The following DLGAP2 variants were observed in gnomAD, a reference collection of about 807,000 sequenced individuals.
DLGAP2 encodes DLG associated protein 2.
A neutral mutation model predicts 100.3 loss-of-function variants in DLGAP2; 26 were observed. The ratio of observed to expected loss-of-function variants is 0.26; its 90% confidence interval spans 0.19 to 0.36. The LOEUF (loss-of-function observed/expected upper bound fraction) is 0.36. Among genes scored for constraint, DLGAP2 ranks in the 10% least tolerant of loss-of-function variants. DLGAP2 has a pLI of 1.00. For synonymous variants in DLGAP2, 886 were observed against 630.1 expected (o/e 1.41, Z -6.08); for missense variants, 1,858 against 1,453.2 (o/e 1.28, Z -4.53).
At chr8:914,008 G>C (rs1408799830) in intron 2 of DLGAP2, among the ~76,000 whole-genome samples, 3 of 152,242 alleles carry the variant, frequency 2.0e-5, no homozygotes, top group Non-Finnish European at 4.4e-5. Context: ...GTTTTCAGGA[G>C]GCCAGGGAGT....
At chr8:864,211 G>A (rs950225378) in intron 1 of DLGAP2, among the ~76,000 whole-genome samples, 1 of 152,144 alleles carries the variant, frequency 6.6e-6, no homozygotes, top group African/African-American at 2.4e-5. Flanking sequence ...CAGGGATGCA[G>A]GAAATGAGTT....
intron 4 of DLGAP2, among the ~76,000 whole-genome samples, chr8:1,503,831 G>C (rs1213841081): frequency 6.6e-6 from 1 of 152,164 alleles, no homozygotes; most frequent in Admixed American, 6.5e-5. Context: ...GTGACGGTTG[G>C]CTGAGAGGAC....
chr8:1,577,432 G>C (rs1584947554), intron 6 of DLGAP2, among the ~76,000 whole-genome samples: 1 of 151,990 alleles, frequency 6.6e-6, no homozygotes, highest in African/African-American at 2.4e-5. Flanking sequence ...AGCTGGTGTA[G>C]TGGCACATGC....
At chr8:1,491,045 T>A (rs868219534) in intron 3 of DLGAP2, among the ~76,000 whole-genome samples, 6 of 15,688 alleles carry the variant, frequency 3.8e-4, no homozygotes, top group Admixed American at 9.1e-4. Context: ...TTTAAAAAAA[T>A]AAAATAAAAT....
intron 2 of DLGAP2, among the ~76,000 whole-genome samples, chr8:1,115,917 G>A (rs1312994550): frequency 2.0e-5 from 3 of 152,200 alleles, no homozygotes; most frequent in Non-Finnish European, 4.4e-5. Flanking sequence ...CTCAGTGATG[G>A]GACATAATGG....
chr8:834,400 C>T (rs1796836073), intron 1 of DLGAP2, among the ~76,000 whole-genome samples: 1 of 152,226 alleles, frequency 6.6e-6, no homozygotes, highest in Admixed American at 6.5e-5. Context: ...TCATAATAGG[C>T]TCTGAGCAAA....
At chr8:1,437,692 G>A (rs574454099) in intron 3 of DLGAP2, among the ~76,000 whole-genome samples, 17 of 151,624 alleles carry the variant, frequency 1.1e-4, no homozygotes, top group South Asian at 4.2e-4. Flanking sequence ...AAATATCACC[G>A]GCCGGTGGCT....
chr8:1,470,756 ACT>A lies in DLGAP2; in HGVS notation c.107-30608_107-30607del, dbSNP rs1798760280. Among the ~76,000 whole-genome samples the A allele has an allele frequency of 1.8e-4, 2 of 10,944 alleles. 1 individual carries two copies. Among genetic ancestry groups the A allele is most frequent in the East Asian group, 5.0e-3 (2 of 404 alleles). 7.2% of individuals were successfully genotyped at this position (10,944 alleles called of 152,430 possible). ...CTCCCCTTCCCCGACTCCTTCCCCG[ACT>A]CCTCCAGCCTTTCCCGACTCCCCCA... is the stretch of plus-strand genomic sequence containing the variant. On this transcript the variant is annotated intron_variant, in intron 3 of 14. Transcript: ENST00000637795.
At chr8:1,033,804 G>A (rs1275887010) in intron 2 of DLGAP2, among the ~76,000 whole-genome samples, 7 of 146,196 alleles carry the variant, frequency 4.8e-5, no homozygotes, top group East Asian at 2.1e-4. Flanking sequence ...CCGACCCCGC[G>A]TGTCACCGCG....
chr8:1,270,843 C>G (rs939866813), intron 3 of DLGAP2, among the ~76,000 whole-genome samples: 2 of 151,730 alleles, frequency 1.3e-5, no homozygotes, highest in African/African-American at 4.8e-5. Flanking sequence ...TGTGTGTCTA[C>G]AGAGTGAAAC....
intron 6 of DLGAP2, among the ~76,000 whole-genome samples, chr8:1,570,873 G>A (rs1802631821): frequency 6.9e-6 from 1 of 144,866 alleles, no homozygotes. Context: ...ATGAGATGGA[G>A]AAGAGAGAGG....
At chr8:903,421 G>C (rs1490134972) in intron 1 of DLGAP2, among the ~76,000 whole-genome samples, 1 of 152,124 alleles carries the variant, frequency 6.6e-6, no homozygotes, top group Non-Finnish European at 1.5e-5. Flanking sequence ...ACATGTGCAA[G>C]GCCGTGTCCA....
chr8:1,373,429 CG>C (rs1244651338), intron 3 of DLGAP2, among the ~76,000 whole-genome samples: 2 of 152,126 alleles, frequency 1.3e-5, no homozygotes, highest in Non-Finnish European at 2.9e-5. Flanking sequence ...CCGACAAGGA[CG>C]GGGGGCCGGA....
chr8:826,621 C>T (rs542051891), intron 1 of DLGAP2, among the ~76,000 whole-genome samples: 41 of 152,030 alleles, frequency 2.7e-4, no homozygotes, highest in African/African-American at 9.4e-4. Flanking sequence ...GCTGGGAGCC[C>T]TGCCTTCTGC....
rs557800941 is a variant in DLGAP2, at chr8:1,430,083, T to C, written c.107-71283T>C. On this transcript the variant is annotated intron_variant, in intron 3 of 14. Coordinates refer to ENST00000637795, the MANE Select transcript of DLGAP2 (RefSeq NM_001346810.2). ...TTTTTAGTGAGAATAATTATGTTAC[T>C]GTGTGGTAAAATAAACCACTGCCGC... Among the ~76,000 whole-genome samples, 49 of 141,942 alleles carry C rather than the reference T, an allele frequency of 3.5e-4. 1 individual carries two copies. The highest frequency in any genetic ancestry group is 1.2e-3 in the African/African-American group (46 of 38,922). 93.1% of individuals were successfully genotyped at this position (141,942 alleles called of 152,430 possible).
At chr8:1,000,097 ACT>A (rs1214948917) in intron 2 of DLGAP2, among the ~76,000 whole-genome samples, 3 of 126,498 alleles carry the variant, frequency 2.4e-5, no homozygotes, top group East Asian at 2.6e-4. Context: ...TTTCTTTTGC[ACT>A]GGATTTTCTC....
intron 3 of DLGAP2, among the ~76,000 whole-genome samples, chr8:1,452,127 T>C (rs954668125): frequency 1.3e-5 from 2 of 152,256 alleles, no homozygotes; most frequent in Non-Finnish European, 2.9e-5. Context: ...GGCCGTGTCT[T>C]CCAGCTGTCT....
chr8:1,320,532 C>T (rs1377209257), intron 3 of DLGAP2, among the ~76,000 whole-genome samples: 1 of 152,140 alleles, frequency 6.6e-6, no homozygotes, highest in Non-Finnish European at 1.5e-5. Context: ...AGCCGTGGGT[C>T]CCACGTGATG....
intron 3 of DLGAP2, among the ~76,000 whole-genome samples, chr8:1,426,761 G>A (rs143420082): frequency 1.1e-3 from 168 of 152,158 alleles, no homozygotes; most frequent in African/African-American, 3.6e-3. Flanking sequence ...TGGCTTCCAC[G>A]TCTTGAAGAA....
Sources: allele counts gnomAD v4.1 joint callset (sites outside exome capture counted in the v4.1 genomes callset), GRCh38; gene constraint gnomAD v4.1.1; transcripts MANE v1.5; gene names NCBI Gene and HGNC (gene_info 2026-07-23, HGNC 2026-07-21).